DARS1: variants seen among roughly 807,000 people sequenced by gnomAD.
The protein encoded by DARS1 is aspartate--tRNA ligase, cytoplasmic.
In DARS1, 51 loss-of-function variants were observed where a neutral mutation model predicts 68.8. The ratio of observed to expected loss-of-function variants is 0.74; its 90% confidence interval spans 0.59 to 0.94. The LOEUF (loss-of-function observed/expected upper bound fraction) is 0.94, where lower values mean the gene tolerates loss of function less well. Ranked by LOEUF, DARS1 falls within the 40% of genes least tolerant of loss-of-function variation. DARS1 has a pLI of 0.00. For synonymous variants in DARS1, 203 were observed against 190.4 expected (o/e 1.07, Z -0.55); for missense variants, 607 against 597.3 (o/e 1.02, Z -0.17).
At chr2:135,954,211 G>T (rs1386798360) in intron 4 of DARS1, among the ~76,000 whole-genome samples, 2 of 150,488 alleles carry the variant, frequency 1.3e-5, no homozygotes, top group African/African-American at 2.4e-5. Flanking sequence ...GAGGCAGGAT[G>T]ACACAGAGAC....
chr2:135,917,541 T>C (rs1279475913), intron 10 of DARS1, among the ~76,000 whole-genome samples: 2 of 152,098 alleles, frequency 1.3e-5, no homozygotes, highest in African/African-American at 2.4e-5. Flanking sequence ...AGTGGTGCAA[T>C]CTTGGCTCAC....
chr2:135,982,522 G>C (rs961744404), intron 2 of DARS1, among the ~76,000 whole-genome samples: 1 of 151,842 alleles, frequency 6.6e-6, no homozygotes, highest in African/African-American at 2.4e-5. Context: ...TAGGAACTTG[G>C]GAGGCGGAAG....
intron 3 of DARS1, among the ~76,000 whole-genome samples, chr2:135,963,458 GC>G (rs1396958479): frequency 6.8e-6 from 1 of 146,778 alleles, no homozygotes; most frequent in Non-Finnish European, 1.5e-5. Context: ...TGCAACCTCC[GC>G]CCCCCGGGTT....
intron 4 of DARS1, among the ~76,000 whole-genome samples, chr2:135,954,716 A>G (rs994794679): frequency 2.0e-5 from 3 of 152,206 alleles, no homozygotes; most frequent in Admixed American, 6.5e-5. Flanking sequence ...ATTAAAAATA[A>G]TATTTCACAT....
chr2:135,953,684 C>T (rs1681898258), intron 4 of DARS1, among the ~76,000 whole-genome samples: 1 of 152,090 alleles, frequency 6.6e-6, no homozygotes, highest in South Asian at 2.1e-4. Flanking sequence ...TCTCTAGGTT[C>T]CAACTCCCTG....
intron 6 of DARS1, 147 bp downstream of exon 6, chr2:135,933,763 G>A: frequency 3.2e-6 from 4 of 1,252,210 alleles, no homozygotes; most frequent in Non-Finnish European, 4.1e-6. Context: ...ATACCAAAAG[G>A]TTTGAGAATT....
rs766242978 is a variant in DARS1, at chr2:135,911,408, G to C, written c.1316C>G (p.Thr439Arg). 2 of 1,002,046 alleles carry C rather than the reference G, an allele frequency of 2.0e-6. No individual in the cohort carries two copies. Among genetic ancestry groups the C allele is most frequent in the South Asian group, 2.5e-5 (2 of 78,854 alleles). 62.1% of individuals were successfully genotyped at this position (1,002,046 alleles called of 1,614,324 possible). The part of the protein sequence containing the change: ...AQRIHDPQLL[T>R]ERALHHGIDL... ...AATTCCATGATGTAAAGCTCTCTCT[G>C]TTAGCAGTTGAGGATCATGTATTCT... The change falls in exon 14 of 16, where the codon ACA becomes AGA. Residue 439 changes from threonine to arginine, a missense_variant. Transcript: ENST00000264161.
chr2:135,908,892 A>C (rs955436115), intron 15 of DARS1, among the ~76,000 whole-genome samples: 10 of 152,238 alleles, frequency 6.6e-5, no homozygotes, highest in African/African-American at 2.4e-4. Context: ...CCAAATGCCC[A>C]TCAATGATAG....
At chr2:135,982,597 CAAAA>C (rs548129919) in intron 2 of DARS1, among the ~76,000 whole-genome samples, 1 of 95,194 alleles carries the variant, frequency 1.1e-5, no homozygotes, top group Admixed American at 1.1e-4. Context: ...CTCTGTCTCC[CAAAA>C]AAAAAAAAAA....
chr2:135,952,907 C>A (rs1408906939), intron 4 of DARS1, among the ~76,000 whole-genome samples: 1 of 152,058 alleles, frequency 6.6e-6, no homozygotes, highest in Non-Finnish European at 1.5e-5. Context: ...AATGGGATTA[C>A]TGGATCATAT....
At chr2:135,918,540 G>C (rs911464793) in intron 10 of DARS1, among the ~76,000 whole-genome samples, 2 of 152,096 alleles carry the variant, frequency 1.3e-5, no homozygotes, top group African/African-American at 4.8e-5. Context: ...ATACAAAGAA[G>C]GTTTTTATTT....
intron 13 of DARS1, among the ~76,000 whole-genome samples, chr2:135,911,810 C>T (rs534024980): frequency 7.9e-5 from 12 of 152,152 alleles, no homozygotes; most frequent in Non-Finnish European, 1.2e-4. Flanking sequence ...TTTGGGGTGA[C>T]TTTTGGAACT....
At position 135,912,507 on chromosome 2, in the gene DARS1, G is replaced by T; in HGVS notation, c.1209C>A (p.Thr403=). The change falls in exon 13 of 16, where the codon ACC becomes ACA. Residue 403 remains threonine (T), a synonymous_variant. Transcript: ENST00000264161. The stretch of plus-strand genomic sequence containing the variant: ...TTACGGGATTTCTTGGGTCAGGCAT[G>T]GTATAGAAAGGTCTTACAGCCAATG... ...KYPLAVRPFY[T]MPDPRNPKQS... 1 of 1,110,736 alleles carries T rather than the reference G, an allele frequency of 9.0e-7. No individual in the cohort carries two copies. Among genetic ancestry groups the T allele is most frequent in the Non-Finnish European group, 1.4e-6 (1 of 738,550 alleles). 68.8% of individuals were successfully genotyped at this position (1,110,736 alleles called of 1,614,324 possible).
chr2:135,911,142 T>C lies in DARS1; in HGVS notation c.1411A>G (p.Ile471Val). The C allele has an allele frequency of 2.2e-6, 3 of 1,354,110 alleles. No homozygotes were observed. The South Asian group carries it at 3.5e-5, about 16-fold the overall frequency. The allele number at this position is 1,354,110 out of a possible 1,614,324, so 83.9% of individuals were successfully genotyped here. A position where few individuals can be genotyped will look rare whatever the true frequency, so the allele number is the denominator to read the frequency against. Residue 471 changes from isoleucine to valine, a missense_variant, in exon 15 of 16, where the codon ATT (isoleucine) becomes GTT (valine). By Grantham distance (29) the Ile-to-Val change is conservative. Coordinates refer to ENST00000264161, the MANE Select transcript of DARS1 (RefSeq NM_001349.4). Reference sequence around the variant, plus strand: ...GTAAGCAATAACAGAATATTACCAATGCCTCCACCAGCATGAGGAGGGGCT... The same window carrying C: ...GTAAGCAATAACAGAATATTACCAACGCCTCCACCAGCATGAGGAGGGGCT... ...FGAPPHAGGGIGLERVTMLFL... is the reference protein window; with the variant it reads ...FGAPPHAGGGVGLERVTMLFL...
intron 3 of DARS1, among the ~76,000 whole-genome samples, chr2:135,977,025 T>C (rs896786242): frequency 6.6e-6 from 1 of 152,096 alleles, no homozygotes; most frequent in South Asian, 2.1e-4. Context: ...ATGTGTTGTG[T>C]ACCAAACAAA....
chr2:135,938,437 T>A (rs1681518738), intron 5 of DARS1, among the ~76,000 whole-genome samples: 1 of 152,234 alleles, frequency 6.6e-6, no homozygotes, highest in Non-Finnish European at 1.5e-5. Flanking sequence ...TATTCAAACA[T>A]CCTCCTTTAG....
chr2:135,922,382 T>A (rs1486700231), intron 9 of DARS1, among the ~76,000 whole-genome samples: 1 of 152,196 alleles, frequency 6.6e-6, no homozygotes, highest in Non-Finnish European at 1.5e-5. Flanking sequence ...AAATGGGAGC[T>A]AATTCTGTTC....
At chr2:135,924,707 T>C (rs534016770) in intron 7 of DARS1, among the ~76,000 whole-genome samples, 1 of 152,290 alleles carries the variant, frequency 6.6e-6, no homozygotes, top group South Asian at 2.1e-4. Flanking sequence ...ATAAAGGAAT[T>C]TCACCGGAAA....
intron 3 of DARS1, among the ~76,000 whole-genome samples, chr2:135,972,395 T>G (rs1682391785): frequency 6.6e-6 from 1 of 152,168 alleles, no homozygotes; most frequent in African/African-American, 2.4e-5. Flanking sequence ...GACTAAAACT[T>G]GATCCCATCT....
Sources: gnomAD v4.1 joint callset for allele counts (sites outside exome capture counted in the v4.1 genomes callset) on GRCh38, gnomAD v4.1.1 for gene constraint, MANE v1.5 for transcripts, NCBI Gene and HGNC (gene_info 2026-07-23, HGNC 2026-07-21) for gene names.